MTSS1: variants seen among roughly 807,000 people sequenced by gnomAD.
MTSS1 encodes the protein protein MTSS 1.
In MTSS1, 18 loss-of-function variants were observed where a neutral mutation model predicts 79.0. That is an observed-to-expected ratio of 0.23 (90% CI 0.16 to 0.34). The LOEUF (loss-of-function observed/expected upper bound fraction) is 0.34, where lower values mean the gene tolerates loss of function less well. MTSS1 is among the 10% of genes least tolerant of loss of function. MTSS1 has a pLI of 1.00. For missense variants in MTSS1, 815 were observed against 986.2 expected (o/e 0.83, Z 2.33); for synonymous variants, 341 against 368.6 (o/e 0.93, Z 0.86).
At chr8:124,694,083 C>T (rs1431573109) in intron 3 of MTSS1, among the ~76,000 whole-genome samples, 1 of 152,122 alleles carries the variant, frequency 6.6e-6, no homozygotes, top group Non-Finnish European at 1.5e-5. Context: ...TTTGTTATTT[C>T]AACAACATAG....
chr8:124,690,677 A>G (rs1827797524), intron 3 of MTSS1, among the ~76,000 whole-genome samples: 2 of 152,224 alleles, frequency 1.3e-5, no homozygotes, highest in Non-Finnish European at 2.9e-5. Flanking sequence ...GTCGCCAGGC[A>G]TCAGTTTTTA....
intron 1 of MTSS1, among the ~76,000 whole-genome samples, chr8:124,704,598 C>T (rs950337469): frequency 3.9e-5 from 6 of 152,176 alleles, no homozygotes; most frequent in African/African-American, 1.4e-4. Flanking sequence ...GGGGCTCTTC[C>T]CCAGGACAGG....
intron 3 of MTSS1, among the ~76,000 whole-genome samples, chr8:124,666,385 A>G (rs1417389356): frequency 6.6e-6 from 1 of 152,262 alleles, no homozygotes; most frequent in Admixed American, 6.5e-5. Context: ...TGTGCTGTAC[A>G]AGCACGATAG....
intron 3 of MTSS1, among the ~76,000 whole-genome samples, chr8:124,669,661 T>G (rs987828136): frequency 1.3e-5 from 2 of 152,232 alleles, no homozygotes; most frequent in African/African-American, 2.4e-5. Flanking sequence ...TAACATTCAG[T>G]GTCTTTGTCT....
At chr8:124,629,500 C>T (rs528445558) in intron 3 of MTSS1, among the ~76,000 whole-genome samples, 969 of 71,342 alleles carry the variant, frequency 0.014, 6 homozygotes, top group Non-Finnish European at 0.016. Flanking sequence ...TGAATGACTC[C>T]GTCTCAAAAA....
intron 3 of MTSS1, among the ~76,000 whole-genome samples, chr8:124,611,811 A>T (rs1835869056): frequency 6.6e-6 from 1 of 152,230 alleles, no homozygotes; most frequent in African/African-American, 2.4e-5. Context: ...AGACTGGAGA[A>T]ATAAAACAGA....
At chr8:124,596,734 A>T (rs1832834036) in intron 3 of MTSS1, among the ~76,000 whole-genome samples, 1 of 152,108 alleles carries the variant, frequency 6.6e-6, no homozygotes, top group Non-Finnish European at 1.5e-5. Context: ...CTACAGGGAG[A>T]GTCCTTCCTT....
At chr8:124,569,134 T>A (rs1827207749) in intron 6 of MTSS1, among the ~76,000 whole-genome samples, 1 of 152,108 alleles carries the variant, frequency 6.6e-6, no homozygotes, top group Non-Finnish European at 1.5e-5. Context: ...AGCCCAGTAA[T>A]AACAAGACCT....
At chr8:124,726,670 GA>G (rs1212272836) in intron 1 of MTSS1, among the ~76,000 whole-genome samples, 5 of 152,204 alleles carry the variant, frequency 3.3e-5, no homozygotes, top group Non-Finnish European at 7.3e-5. Context: ...TCCGAGGCAC[GA>G]AGCCTCTCTA....
At chr8:124,567,317 G>A (rs1826708479) in intron 7 of MTSS1, 139 bp from the exon 8 acceptor site, 2 of 743,674 alleles carry the variant, frequency 2.7e-6, no homozygotes, top group African/African-American at 3.5e-5. Flanking sequence ...GCAAATCTTT[G>A]CTGAAGGCAC....
chr8:124,718,150 CTTAT>C (rs1181677938), intron 1 of MTSS1, among the ~76,000 whole-genome samples: 1 of 140,562 alleles, frequency 7.1e-6, no homozygotes, highest in African/African-American at 2.5e-5. Context: ...TTGTGGGTGA[CTTAT>C]TTTTTACTTA....
At chr8:124,639,854 A>C (rs932405101) in intron 3 of MTSS1, among the ~76,000 whole-genome samples, 1 of 152,212 alleles carries the variant, frequency 6.6e-6, no homozygotes, top group Non-Finnish European at 1.5e-5. Flanking sequence ...TTCTTGCCCC[A>C]ATAGCTAATA....
intron 1 of MTSS1, among the ~76,000 whole-genome samples, chr8:124,724,070 C>A (rs990406435): frequency 6.6e-6 from 1 of 152,196 alleles, no homozygotes; most frequent in Admixed American, 6.5e-5. Context: ...GCCTTCTACA[C>A]AATTGCCCTC....
chr8:124,711,750 T>G (rs1308945113), intron 1 of MTSS1, among the ~76,000 whole-genome samples: 1 of 152,076 alleles, frequency 6.6e-6, no homozygotes, highest in Non-Finnish European at 1.5e-5. Context: ...CTCACTCCTA[T>G]AATCCTAGCA....
chr8:124,606,866 G>A (rs1052939139), intron 3 of MTSS1, among the ~76,000 whole-genome samples: 1 of 152,124 alleles, frequency 6.6e-6, no homozygotes, highest in Non-Finnish European at 1.5e-5. Flanking sequence ...TCCTTTGGCA[G>A]GGTACACTGC....
chr8:124,594,551 A>G (rs1832424024), intron 3 of MTSS1, among the ~76,000 whole-genome samples: 1 of 150,454 alleles, frequency 6.6e-6, no homozygotes, highest in Non-Finnish European at 1.5e-5. Context: ...CAAAAGAAAT[A>G]AAGGAAAGGA....
chr8:124,641,865 G>A (rs1369020802), intron 3 of MTSS1, among the ~76,000 whole-genome samples: 1 of 152,160 alleles, frequency 6.6e-6, no homozygotes, highest in South Asian at 2.1e-4. Flanking sequence ...AGACCCAGAT[G>A]TTAAACAAAA....
At chr8:124,717,177 C>T (rs141008873) in intron 1 of MTSS1, among the ~76,000 whole-genome samples, 1 of 152,218 alleles carries the variant, frequency 6.6e-6, no homozygotes, top group African/African-American at 2.4e-5. Flanking sequence ...CTGCGAGGCC[C>T]GCCCCTAACC....
chr8:124,616,543 C>T (rs986925789), intron 3 of MTSS1, among the ~76,000 whole-genome samples: 1 of 152,144 alleles, frequency 6.6e-6, no homozygotes, highest in African/African-American at 2.4e-5. Flanking sequence ...TGCTGTCAGT[C>T]CAGGTCTCAC....
Sources: gnomAD v4.1 joint callset for allele counts (sites outside exome capture counted in the v4.1 genomes callset) on GRCh38, gnomAD v4.1.1 for gene constraint, MANE v1.5 for transcripts, NCBI Gene and HGNC (gene_info 2026-07-23, HGNC 2026-07-21) for gene names.